IL1RN: variants seen among roughly 807,000 people sequenced by gnomAD.
IL1RN encodes the protein interleukin-1 receptor antagonist protein.
A neutral mutation model predicts 13.7 loss-of-function variants in IL1RN; 10 were observed. The observed-to-expected ratio is 0.73, with a 90% CI of 0.45 to 1.24. IL1RN has a LOEUF of 1.24. Among genes scored for constraint, IL1RN ranks in the 50% most tolerant of loss-of-function variants. The pLI is 0.00. For synonymous variants in IL1RN, 102 were observed against 82.7 expected (o/e 1.23, Z -1.27); for missense variants, 213 against 222.1 (o/e 0.96, Z 0.26).
chr2:113,107,200 A>G (rs1332290675), upstream of IL1RN: 2 of 152,266 alleles, frequency 1.3e-5, no homozygotes, highest in Non-Finnish European at 2.9e-5. Flanking sequence ...ACTGATAAAT[A>G]GATGAATCTA....
chr2:113,099,690 TA>T, the IL1RN span, among the ~76,000 whole-genome samples: 1 of 148,426 alleles, frequency 6.7e-6, no homozygotes, highest in Non-Finnish European at 1.5e-5. Flanking sequence ...TCCTGCCTCC[TA>T]TCCGCCATTT....
At chr2:113,129,830 C>T in intron 2 of IL1RN, 166 bp downstream of exon 2, 1 of 637,970 alleles carries the variant, frequency 1.6e-6, no homozygotes. Context: ...CTGAAGGGCA[C>T]ATATGAGGGC....
At position 113,128,953 on chromosome 2, in the gene IL1RN, G is replaced by T. The variant is rs1254534403; in HGVS notation, c.117-623G>T. Among the ~76,000 whole-genome samples the T allele has an allele frequency of 1.3e-5, 2 of 152,196 alleles. 1 individual carries two copies. The highest frequency in any genetic ancestry group is 4.8e-5 in the African/African-American group (2 of 41,442). On this transcript the variant is annotated intron_variant, in intron 1 of 3. Coordinates refer to ENST00000409930, the MANE Select transcript of IL1RN (RefSeq NM_173842.3). ...GTTGTTCCCAAGGGTAGCTGCTCCT[G>T]CAGGACTCTGAGCAGGTCACCAGCT...
chr2:113,099,935 C>T, the IL1RN span, among the ~76,000 whole-genome samples: 556 of 140,670 alleles, frequency 4.0e-3, 5 homozygotes, highest in African/African-American at 0.014. Flanking sequence ...GGGGTTTCAC[C>T]GTGTTAGCCA....
At chr2:113,127,493 T>C, upstream of IL1RN, 15 of 1,450,644 alleles carry the variant, frequency 1.0e-5, no homozygotes, top group Non-Finnish European at 1.3e-5. Flanking sequence ...TTTTTGGAAA[T>C]GCGAGGAGGG....
At chr2:113,126,824 G>A (rs439154), upstream of IL1RN, among the ~76,000 whole-genome samples, 61,310 of 151,974 alleles carry the variant, frequency 0.4, 12,887 homozygotes, top group East Asian at 0.66. Context: ...AAGTGGCAGA[G>A]GTTGAATTTA....
the IL1RN span, among the ~76,000 whole-genome samples, chr2:113,101,586 C>T: frequency 6.6e-6 from 1 of 152,124 alleles, no homozygotes; most frequent in East Asian, 1.9e-4. Flanking sequence ...GAAGAGTTAA[C>T]AATAGCATCC....
chr2:113,132,947 T>C lies in IL1RN; in HGVS notation c.*76T>C. The C allele has an allele frequency of 1.4e-6, 2 of 1,419,320 alleles. No individual in the cohort carries two copies. The highest frequency in any genetic ancestry group is 2.3e-5 in the South Asian group (2 of 86,696). 87.9% of individuals were successfully genotyped at this position (1,419,320 alleles called of 1,614,324 possible). ...ACTGCCAGTCCCCCTGCCCCAGGGC[T>C]CCCGGCTATGGGGGCACTGAGGACC... is the stretch of plus-strand genomic sequence containing the variant. On this transcript the variant is annotated 3_prime_UTR_variant, in exon 4 of 4. Transcript: ENST00000409930.
exon 1 of IL1RN, chr2:113,111,125 G>A (rs904046708): frequency 6.6e-6 from 1 of 152,244 alleles, no homozygotes. Flanking sequence ...GGAATTAGCA[G>A]TTCACAAAGC....
the IL1RN span, among the ~76,000 whole-genome samples, chr2:113,100,321 G>A: frequency 3.4e-3 from 469 of 139,200 alleles, 4 homozygotes; most frequent in African/African-American, 0.012. Flanking sequence ...GCGAGACTCC[G>A]TCTCAAAAAA....
the IL1RN span, among the ~76,000 whole-genome samples, chr2:113,099,795 C>CCT: frequency 1.7e-5 from 2 of 118,522 alleles, no homozygotes; most frequent in Non-Finnish European, 3.3e-5. Flanking sequence ...AGTGCAGTGG[C>CCT]GGGATCTCGG....
chr2:113,110,415 G>A (rs997862851), upstream of IL1RN, among the ~76,000 whole-genome samples: 2 of 152,136 alleles, frequency 1.3e-5, no homozygotes, highest in African/African-American at 4.8e-5. Context: ...ATCACATCAG[G>A]TTCTTGGATC....
In IL1RN at chr2:113,133,301, T is replaced by C. The variant is rs906817025; in HGVS notation, c.*430T>C. 3 of 229,208 alleles carry C rather than the reference T, an allele frequency of 1.3e-5. No individual in the cohort carries two copies. Among genetic ancestry groups the C allele is most frequent in the South Asian group, 1.3e-4 (2 of 15,918 alleles). 14.2% of individuals were successfully genotyped at this position (229,208 alleles called of 1,614,324 possible). A position where few individuals can be genotyped will look rare whatever the true frequency, so the allele number is the denominator to read the frequency against. On this transcript the variant is annotated 3_prime_UTR_variant, in exon 4 of 4. Transcript: ENST00000409930. ...TTACAAAAAAGAAAAGACCAGTCCA[T>C]GAGGGAGGTTTTTAAGGGTTTGTGG... is the stretch of plus-strand genomic sequence containing the variant.
intron 1 of IL1RN, among the ~76,000 whole-genome samples, chr2:113,112,303 G>A (rs1686513985): frequency 6.6e-6 from 1 of 152,172 alleles, no homozygotes. Context: ...TTGTTTTTCT[G>A]GGTATAGGAC....
At chr2:113,118,868 C>A (rs985903741) in intron 1 of IL1RN, among the ~76,000 whole-genome samples, 1 of 152,076 alleles carries the variant, frequency 6.6e-6, no homozygotes, top group African/African-American at 2.4e-5. Context: ...GAAACCCTGT[C>A]TCTATTAAAA....
the IL1RN span, among the ~76,000 whole-genome samples, chr2:113,102,064 G>A: frequency 2.6e-5 from 4 of 152,118 alleles, no homozygotes; most frequent in East Asian, 1.9e-4. Flanking sequence ...ACCGTGCCCC[G>A]CCCGAGACTT....
chr2:113,108,675 G>A (rs1686424044), upstream of IL1RN, among the ~76,000 whole-genome samples: 1 of 152,118 alleles, frequency 6.6e-6, no homozygotes, highest in South Asian at 2.1e-4. Context: ...GGAATTGCGG[G>A]TGGTGGAGTA....
chr2:113,130,163 G>A (rs1361850048), intron 2 of IL1RN: 1 of 176,834 alleles, frequency 5.7e-6, no homozygotes, highest in African/African-American at 2.3e-5. Flanking sequence ...CCTTCAGTGG[G>A]ATGATATCAA....
intron 1 of IL1RN, among the ~76,000 whole-genome samples, chr2:113,112,241 C>T (rs919828012): frequency 6.6e-6 from 1 of 152,194 alleles, no homozygotes; most frequent in African/African-American, 2.4e-5. Flanking sequence ...CTTCCGAGGG[C>T]CCAGCCACCG....
Sources: gnomAD v4.1 joint callset for allele counts (sites outside exome capture counted in the v4.1 genomes callset) on GRCh38, gnomAD v4.1.1 for gene constraint, MANE v1.5 for transcripts, NCBI Gene and HGNC (gene_info 2026-07-23, HGNC 2026-07-21) for gene names.